The following KPNA3 variants were observed in gnomAD, a reference collection of about 807,000 sequenced individuals.
The protein encoded by KPNA3 is importin subunit alpha-4.
In KPNA3, 13 loss-of-function variants were observed where a neutral mutation model predicts 73.8. The ratio of observed to expected loss-of-function variants is 0.18; its 90% confidence interval spans 0.11 to 0.28. The LOEUF (loss-of-function observed/expected upper bound fraction) is 0.28. KPNA3 is among the 10% of genes least tolerant of loss of function. KPNA3 has a pLI of 1.00. For synonymous variants in KPNA3, 186 were observed against 206.9 expected (o/e 0.90, Z 0.87); for missense variants, 360 against 618.1 (o/e 0.58, Z 4.43).
Position 49,704,479 on chromosome 13 carries a change from AAAT to A in KPNA3, c.1372+1139_1372+1141del, listed in dbSNP as rs1392542222. Among the ~76,000 whole-genome samples, 40 of 118,616 alleles carry A rather than the reference AAAT, an allele frequency of 3.4e-4. No individual in the cohort carries two copies. The East Asian group carries it at 8.5e-3, about 25-fold the overall frequency. 77.8% of individuals were successfully genotyped at this position (118,616 alleles called of 152,430 possible). A position where few individuals can be genotyped will look rare whatever the true frequency, so the allele number is the denominator to read the frequency against. ...TAAATAAATAAATAAATAAATAAAT[AAAT>A]AGAAAGAAAGAAATCCTCCCAGTCT... On this transcript the variant is annotated intron_variant, in intron 15 of 16. Transcript: ENST00000261667.
chr13:49,732,513 T>C (rs773312981), intron 5 of KPNA3, 47 bp from the exon 6 acceptor site: 5 of 1,472,368 alleles, frequency 3.4e-6, no homozygotes, highest in Admixed American at 1.8e-5. Context: ...TTTCAAACTG[T>C]GAAAAGAAAT....
rs1954133836 is a variant in KPNA3, at chr13:49,700,115, C to T, written c.*1685G>A. ...GCAAGTAAAAATCTTGCAGTTTAAA[C>T]ATACGCTTGTATCCACTTTAGATAC... On this transcript the variant is annotated 3_prime_UTR_variant, in exon 17 of 17. Transcript: ENST00000261667. 2 of 152,630 alleles carry T rather than the reference C, an allele frequency of 1.3e-5. No homozygotes were observed. Among genetic ancestry groups the T allele is most frequent in the African/African-American group, 4.8e-5 (2 of 41,466 alleles). 9.5% of individuals were successfully genotyped at this position (152,630 alleles called of 1,614,324 possible).
chr13:49,734,657 C>G (rs1343834172), intron 2 of KPNA3, among the ~76,000 whole-genome samples: 4 of 152,024 alleles, frequency 2.6e-5, no homozygotes, highest in African/African-American at 9.7e-5. Context: ...TCCCAAAGAC[C>G]CTTTCAGGTC....
chr13:49,708,843 C>T (rs1198788213), intron 12 of KPNA3, among the ~76,000 whole-genome samples: 2 of 152,142 alleles, frequency 1.3e-5, no homozygotes, highest in Admixed American at 6.5e-5. Flanking sequence ...AGCTTGAAAT[C>T]TTAAAAAGAG....
Position 49,737,561 on chromosome 13 carries a change from C to CTG in KPNA3, c.115-4517_115-4516dup, listed in dbSNP as rs3990330. Among the ~76,000 whole-genome samples the CTG allele has an allele frequency of 9.4e-3, 1,349 of 143,008 alleles. 8 individuals are homozygous for CTG. The highest frequency in any genetic ancestry group is 0.014 in the Middle Eastern group (4 of 282). 93.8% of individuals were successfully genotyped at this position (143,008 alleles called of 152,430 possible). ...TTTTCTTACTATTAAGTGTGTGTGT[C>CTG]TGTGTGTGTGTGTGTGTGTGTGTGT... On this transcript the variant is annotated intron_variant, in intron 2 of 16. Coordinates refer to ENST00000261667, the MANE Select transcript of KPNA3 (RefSeq NM_002267.4).
At chr13:49,750,877 A>G (rs1365089297) in intron 1 of KPNA3, among the ~76,000 whole-genome samples, 2 of 152,192 alleles carry the variant, frequency 1.3e-5, no homozygotes, top group Non-Finnish European at 2.9e-5. Context: ...CTGTAATCCC[A>G]GCTACTCAGT....
intron 10 of KPNA3, among the ~76,000 whole-genome samples, chr13:49,713,923 C>G (rs1167471917): frequency 6.6e-6 from 1 of 152,102 alleles, no homozygotes; most frequent in Non-Finnish European, 1.5e-5. Flanking sequence ...AGGCTGGTCT[C>G]AAACTCCTGA....
At chr13:49,792,036 G>A (rs1056574212) in intron 1 of KPNA3, among the ~76,000 whole-genome samples, 1 of 152,162 alleles carries the variant, frequency 6.6e-6, no homozygotes, top group African/African-American at 2.4e-5. Flanking sequence ...TGCACCGGAC[G>A]GAAGGTTGCA....
Position 49,706,324 on chromosome 13 carries a change from C to T in KPNA3, c.1081G>A (p.Val361Ile), listed in dbSNP as rs755526497. Residue 361 changes from valine to isoleucine, a missense_variant, in exon 13 of 17, where the codon GTT (valine) becomes ATT (isoleucine). Physicochemically the swap from Val to Ile is conservative, Grantham distance 29. This residue lies in a region of KPNA3 where 287 missense variants were observed against 549.1 expected (regional missense o/e 0.52). Coordinates refer to ENST00000261667, the MANE Select transcript of KPNA3 (RefSeq NM_002267.4). ...SNITAGNQQQ[V>I]QAVIDAGLIP... The stretch of plus-strand genomic sequence containing the variant: ...AATCCAGCATCTATTACAGCTTGAA[C>T]TTGTTGCTGGTTGCCTGCTGTTATG... 6.2e-7 allele frequency: 1 copy of T among 1,614,150 alleles called. No individual in the cohort carries two copies. The highest frequency in any genetic ancestry group is 1.3e-5 in the African/African-American group (1 of 75,052).
At chr13:49,782,539 A>T (rs1352858262) in intron 1 of KPNA3, among the ~76,000 whole-genome samples, 1 of 152,192 alleles carries the variant, frequency 6.6e-6, no homozygotes, top group Non-Finnish European at 1.5e-5. Context: ...GAATATTTTC[A>T]TATTTATAAT....
chr13:49,709,801 TA>T, intron 11 of KPNA3, 101 bp from the exon 12 acceptor site: 1 of 1,011,354 alleles, frequency 9.9e-7, no homozygotes, highest in Non-Finnish European at 1.4e-6. Flanking sequence ...AAGGCATAAA[TA>T]ACACTTATTT....
intron 1 of KPNA3, among the ~76,000 whole-genome samples, chr13:49,750,844 T>C (rs1405808727): frequency 6.6e-6 from 1 of 151,700 alleles, no homozygotes; most frequent in Admixed American, 6.6e-5. Context: ...ATATCAAAAT[T>C]AGCTGGGCAT....
At chr13:49,702,521 A>T in intron 15 of KPNA3, 41 bp from the exon 16 acceptor site, 6 of 1,044,268 alleles carry the variant, frequency 5.7e-6, no homozygotes, top group Non-Finnish European at 8.7e-6. Context: ...GTTAATTGAT[A>T]AGGAGATACT....
In KPNA3 at chr13:49,700,349, C is replaced by T. The variant is rs1274006210; in HGVS notation, c.*1451G>A. The T allele has an allele frequency of 6.6e-6, 1 of 152,616 alleles. No individual in the cohort carries two copies. The highest frequency in any genetic ancestry group is 2.4e-5 in the African/African-American group (1 of 41,468). 9.5% of individuals were successfully genotyped at this position (152,616 alleles called of 1,614,324 possible). A position where few individuals can be genotyped will look rare whatever the true frequency, so the allele number is the denominator to read the frequency against. On this transcript the variant is annotated 3_prime_UTR_variant, in exon 17 of 17. Coordinates refer to ENST00000261667, the MANE Select transcript of KPNA3 (RefSeq NM_002267.4). ...GATTTTCTATCCCTTCACATCAATGCATTGGGAAATTATACCCAGTAAACA... is the reference window on the plus strand; with the variant it reads ...GATTTTCTATCCCTTCACATCAATGTATTGGGAAATTATACCCAGTAAACA...
intron 1 of KPNA3, among the ~76,000 whole-genome samples, chr13:49,772,115 T>C (rs574888737): frequency 2.6e-5 from 4 of 152,338 alleles, no homozygotes; most frequent in African/African-American, 9.6e-5. Flanking sequence ...TCATATCATT[T>C]GCAAATAAAG....
In KPNA3 at chr13:49,792,490, C is replaced by G. The variant is rs758980433; in HGVS notation, c.17G>C (p.Ser6Thr). The part of the protein sequence containing the change: MAENP[S>T]LENHRIKSFK... Reference sequence around the variant, plus strand: ...GCTCTTGATGCGGTGGTTCTCCAAGCTGGGGTTCTCGGCCATGGCTGCGCG... The same window carrying G: ...GCTCTTGATGCGGTGGTTCTCCAAGGTGGGGTTCTCGGCCATGGCTGCGCG... The change falls in exon 1 of 17, where the codon AGC becomes ACC. Residue 6 changes from serine to threonine, a missense_variant. This residue lies in a region of KPNA3 where 35 missense variants were observed against 30.0 expected (regional missense o/e 1.17). Transcript: ENST00000261667. 1.9e-6 allele frequency: 3 copies of G among 1,580,438 alleles called. No individual in the cohort carries two copies. Among genetic ancestry groups the G allele is most frequent in the East Asian group, 5.0e-5 (2 of 40,162 alleles).
intron 4 of KPNA3, 22 bp downstream of exon 4, chr13:49,732,725 G>C (rs1566343186): frequency 1.1e-5 from 17 of 1,583,018 alleles, no homozygotes; most frequent in Non-Finnish European, 1.4e-5. Context: ...TTCAAAACGA[G>C]AGTATTAATT....
intron 1 of KPNA3, among the ~76,000 whole-genome samples, chr13:49,786,417 A>C (rs1465319932): frequency 6.6e-6 from 1 of 152,196 alleles, no homozygotes; most frequent in East Asian, 1.9e-4. Context: ...AAAACACTAG[A>C]GAGGAGGAAA....
At chr13:49,728,573 T>C (rs1435811855) in intron 6 of KPNA3, among the ~76,000 whole-genome samples, 2 of 152,150 alleles carry the variant, frequency 1.3e-5, no homozygotes, top group Non-Finnish European at 2.9e-5. Context: ...TAAAAGGAGA[T>C]GAAACATGGC....
Sources: gnomAD v4.1 joint callset for allele counts (sites outside exome capture counted in the v4.1 genomes callset) on GRCh38, gnomAD v4.1.1 for gene constraint, gnomAD v4.1.1 regional missense constraint, MANE v1.5 for transcripts, NCBI Gene and HGNC (gene_info 2026-07-23, HGNC 2026-07-21) for gene names.